KIAA0232: variants seen among roughly 807,000 people sequenced by gnomAD.
KIAA0232 encodes the protein KIAA0232.
In KIAA0232, 27 loss-of-function variants were observed where a neutral mutation model predicts 122.0. That is an observed-to-expected ratio of 0.22 (90% CI 0.16 to 0.31). The LOEUF (loss-of-function observed/expected upper bound fraction) is 0.31. KIAA0232 is among the 10% of genes least tolerant of loss of function. KIAA0232 has a pLI of 1.00. For missense variants in KIAA0232, 1,551 were observed against 1,634.2 expected (o/e 0.95, Z 0.88); for synonymous variants, 613 against 587.6 (o/e 1.04, Z -0.63).
chr4:6,854,405 T>G (rs1720464760), intron 4 of KIAA0232, among the ~76,000 whole-genome samples: 1 of 152,208 alleles, frequency 6.6e-6, no homozygotes, highest in Non-Finnish European at 1.5e-5. Flanking sequence ...TACATTCCAC[T>G]GAGTCCTCTT....
chr4:6,814,566 C>T lies in KIAA0232; in HGVS notation c.-269-9619C>T, dbSNP rs143761018. On this transcript the variant is annotated intron_variant, in intron 2 of 9. Coordinates refer to ENST00000307659, the MANE Select transcript of KIAA0232 (RefSeq NM_014743.3). ...AATTTGTATGCTATTTGGAGAAATG[C>T]ACATACCCCAAAATACACAGATAGA... Among the ~76,000 whole-genome samples, 1,156 of 152,134 alleles carry T rather than the reference C, an allele frequency of 7.6e-3. 17 individuals carry two copies. Among genetic ancestry groups the T allele is most frequent in the African/African-American group, 0.027 (1,104 of 41,498 alleles).
chr4:6,788,444 T>A (rs1716734808), intron 1 of KIAA0232, among the ~76,000 whole-genome samples: 1 of 152,246 alleles, frequency 6.6e-6, no homozygotes, highest in Non-Finnish European at 1.5e-5. Flanking sequence ...TTGGCTTAAA[T>A]GCTGCTACTT....
At chr4:6,872,400 A>C (rs1306030017) in intron 8 of KIAA0232, among the ~76,000 whole-genome samples, 5 of 152,196 alleles carry the variant, frequency 3.3e-5, no homozygotes, top group Admixed American at 6.5e-5. Flanking sequence ...AGGAGTAGTT[A>C]TGGGAGTCTA....
In KIAA0232 at chr4:6,857,240, A is replaced by G; in HGVS notation, c.436+10A>G. 1.2e-6 allele frequency: 2 copies of G among 1,611,032 alleles called. No individual in the cohort carries two copies. Among genetic ancestry groups the G allele is most frequent in the South Asian group, 1.1e-5 (1 of 90,702 alleles). ...CTTCAGAGTAAGCAAGGTGAGGTCA[A>G]AAGCACTGTGCGCACACATGCCAGG... On this transcript the variant is annotated intron_variant, in intron 5 of 9. Transcript: ENST00000307659.
At chr4:6,828,032 T>C (rs1718782934) in intron 3 of KIAA0232, among the ~76,000 whole-genome samples, 1 of 152,232 alleles carries the variant, frequency 6.6e-6, no homozygotes, top group South Asian at 2.1e-4. Flanking sequence ...TTTCTGATAA[T>C]TTCTGATGAA....
At position 6,841,996 on chromosome 4, in the gene KIAA0232, T is replaced by C. The variant is rs549802040; in HGVS notation, c.232-71T>C. ...CAAGGGGCCTTTTTGTGACTGAGTG[T>C]GTGTGGTAGGTGGAACATAGTAGTG... On this transcript the variant is annotated intron_variant, in intron 3 of 9. Coordinates refer to ENST00000307659, the MANE Select transcript of KIAA0232 (RefSeq NM_014743.3). 9.7e-6 allele frequency: 15 copies of C among 1,542,338 alleles called. No homozygotes were observed. The Admixed American group carries it at 3.0e-4, about 31-fold the overall frequency.
chr4:6,784,133 G>T (rs1173823071), intron 1 of KIAA0232, among the ~76,000 whole-genome samples: 1 of 151,696 alleles, frequency 6.6e-6, no homozygotes, highest in Non-Finnish European at 1.5e-5. Flanking sequence ...CAGCGGAGAG[G>T]AGGCATGCGA....
intron 2 of KIAA0232, among the ~76,000 whole-genome samples, chr4:6,811,797 T>G (rs1017362965): frequency 3.4e-5 from 5 of 147,730 alleles, no homozygotes; most frequent in African/African-American, 1.0e-4. Context: ...TGTGTTAGGC[T>G]ACTGTAATTT....
chr4:6,824,570 G>A lies in KIAA0232; in HGVS notation c.117G>A (p.Val39=). The A allele has an allele frequency of 6.2e-7, 1 of 1,614,206 alleles. No homozygotes were observed. Among genetic ancestry groups the A allele is most frequent in the Admixed American group, 1.7e-5 (1 of 60,022 alleles). Reference sequence around the variant, plus strand: ...CTCTGCTTCATGCTTTGGGTCCAGTGCAGACCTGGCTGGGACAAGAGCTCG... The same window carrying A: ...CTCTGCTTCATGCTTTGGGTCCAGTACAGACCTGGCTGGGACAAGAGCTCG... The part of the protein sequence containing the change: ...EMSLLHALGP[V]QTWLGQELEK... The change falls in exon 3 of 10, where the codon GTG becomes GTA. Residue 39 remains valine (V), a synonymous_variant. Coordinates refer to ENST00000307659, the MANE Select transcript of KIAA0232 (RefSeq NM_014743.3).
At chr4:6,810,642 A>G (rs1433960530) in intron 2 of KIAA0232, among the ~76,000 whole-genome samples, 1 of 152,210 alleles carries the variant, frequency 6.6e-6, no homozygotes, top group Non-Finnish European at 1.5e-5. Context: ...TTGAAGAGAC[A>G]GCCTGTAGAA....
At chr4:6,864,737 C>CAAAAAAAAA (rs59573520) in intron 7 of KIAA0232, among the ~76,000 whole-genome samples, 6 of 70,274 alleles carry the variant, frequency 8.5e-5, no homozygotes, top group Non-Finnish European at 7.7e-5. Flanking sequence ...GACTCCATCT[C>CAAAAAAAAA]AAAAAAAAAA....
At chr4:6,866,012 CG>C (rs1721163843) in intron 7 of KIAA0232, among the ~76,000 whole-genome samples, 1 of 152,168 alleles carries the variant, frequency 6.6e-6, no homozygotes, top group Non-Finnish European at 1.5e-5. Flanking sequence ...AGCCCCCAGG[CG>C]ACTTGAGAGG....
chr4:6,817,866 A>G (rs1186953127), intron 2 of KIAA0232, among the ~76,000 whole-genome samples: 4 of 152,204 alleles, frequency 2.6e-5, no homozygotes, highest in Non-Finnish European at 1.5e-5. Context: ...GATGTATAAT[A>G]TAAAGGACTG....
chr4:6,823,741 G>A (rs1472376304), intron 2 of KIAA0232, among the ~76,000 whole-genome samples: 1 of 150,962 alleles, frequency 6.6e-6, no homozygotes, highest in African/African-American at 2.4e-5. Context: ...AAAAAAAATT[G>A]GTATAATTGA....
Position 6,862,270 on chromosome 4 carries a change from G to A in KIAA0232, c.1888G>A (p.Gly630Ser), listed in dbSNP as rs1296093748. 2.5e-6 allele frequency: 4 copies of A among 1,613,996 alleles called. No homozygotes were observed. In the African/African-American group the frequency reaches 4.0e-5, roughly 16 times the overall value. The stretch of plus-strand genomic sequence containing the variant: ...AGTGCTCAATTCACACCTGCTTGCT[G>A]GCAATCAAGAGCTCTTTTCAGATAT... ...STVLNSHLLAGNQELFSDINE... is the reference protein window; with the variant it reads ...STVLNSHLLASNQELFSDINE... Residue 630 changes from glycine to serine, a missense_variant, in exon 7 of 10, where the codon GGC becomes AGC. This residue lies in a region of KIAA0232 where 1,108 missense variants were observed against 1,154.8 expected (regional missense o/e 0.96). Coordinates refer to ENST00000307659, the MANE Select transcript of KIAA0232 (RefSeq NM_014743.3).
intron 3 of KIAA0232, among the ~76,000 whole-genome samples, chr4:6,838,214 G>A (rs1245691163): frequency 1.3e-4 from 19 of 149,978 alleles, no homozygotes; most frequent in Non-Finnish European, 2.5e-4. Flanking sequence ...TTTGAGACAG[G>A]GTCTTACTCT....
intron 1 of KIAA0232, among the ~76,000 whole-genome samples, chr4:6,792,212 TTC>T (rs1716927466): frequency 6.6e-6 from 1 of 152,204 alleles, no homozygotes; most frequent in African/African-American, 2.4e-5. Flanking sequence ...CTTTACCATG[TTC>T]TTTTTTTAAT....
rs563662787 is a variant in KIAA0232 at position 6,790,031 on chromosome 4, GA to G, written c.-354+7200del. 2.7e-3 allele frequency among the ~76,000 whole-genome samples: 394 copies of G among 145,482 alleles called. 1 individual carries two copies. The highest frequency in any genetic ancestry group is 0.014 in the Middle Eastern group (4 of 290). ...GTGACTGAGCGAGACCCTGTCTCAA[GA>G]AAAAAAAAAGAGTGGAAAATAGAAA... On this transcript the variant is annotated intron_variant, in intron 1 of 9. Coordinates refer to ENST00000307659, the MANE Select transcript of KIAA0232 (RefSeq NM_014743.3).
chr4:6,798,849 G>T (rs1348979932), intron 1 of KIAA0232, among the ~76,000 whole-genome samples: 1 of 152,230 alleles, frequency 6.6e-6, no homozygotes, highest in Non-Finnish European at 1.5e-5. Flanking sequence ...ACCGTGCCCA[G>T]CTGCTGTGTA....
Sources: gnomAD v4.1 joint callset for allele counts (sites outside exome capture counted in the v4.1 genomes callset) on GRCh38, gnomAD v4.1.1 for gene constraint, gnomAD v4.1.1 regional missense constraint, MANE v1.5 for transcripts, NCBI Gene and HGNC (gene_info 2026-07-23, HGNC 2026-07-21) for gene names.